The following LRP1B variants were observed in gnomAD, a reference collection of about 807,000 sequenced individuals.
LRP1B encodes low-density lipoprotein receptor-related protein 1B.
A neutral mutation model predicts 556.6 loss-of-function variants in LRP1B; 217 were observed. The ratio of observed to expected loss-of-function variants is 0.39; its 90% confidence interval spans 0.35 to 0.44. The LOEUF is 0.44. Among genes scored for constraint, LRP1B ranks in the 20% least tolerant of loss-of-function variants. The pLI is 1.00. For missense variants in LRP1B, 5,053 were observed against 5,620.8 expected (o/e 0.90, Z 3.23); for synonymous variants, 2,047 against 1,865.8 (o/e 1.10, Z -2.50).
chr2:140,932,507 G>GCCCACC (rs1695079131), intron 20 of LRP1B, among the ~76,000 whole-genome samples: 1 of 152,098 alleles, frequency 6.6e-6, no homozygotes, highest in South Asian at 2.1e-4. Context: ...GAATAGGTTT[G>GCCCACC]CCCACCCTTG....
intron 2 of LRP1B, among the ~76,000 whole-genome samples, chr2:141,506,095 T>C (rs1683926114): frequency 6.6e-6 from 1 of 152,060 alleles, no homozygotes; most frequent in Admixed American, 6.6e-5. Context: ...AAAACTCCCT[T>C]AGTCTGCAGA....
intron 27 of LRP1B, among the ~76,000 whole-genome samples, chr2:140,863,792 C>T (rs1692868473): frequency 6.6e-6 from 1 of 152,094 alleles, no homozygotes; most frequent in African/African-American, 2.4e-5. Flanking sequence ...CTCTTACATT[C>T]AAAATCCATC....
At chr2:141,690,396 A>AATAAATAAAT (rs5834858) in intron 2 of LRP1B, among the ~76,000 whole-genome samples, 132 of 26,844 alleles carry the variant, frequency 4.9e-3, no homozygotes, top group African/African-American at 6.8e-3. Context: ...TACATCTATA[A>AATAAATAAAT]ATATATATAT....
intron 2 of LRP1B, among the ~76,000 whole-genome samples, chr2:141,563,882 G>T (rs1686243988): frequency 6.6e-6 from 1 of 151,928 alleles, no homozygotes; most frequent in African/African-American, 2.4e-5. Flanking sequence ...GAGAGGAGAG[G>T]GAGGGAGACG....
At chr2:141,442,949 T>C (rs1681040525) in intron 3 of LRP1B, among the ~76,000 whole-genome samples, 1 of 152,196 alleles carries the variant, frequency 6.6e-6, no homozygotes, top group African/African-American at 2.4e-5. Context: ...TATCCAGTAA[T>C]GGGATTGCTG....
chr2:141,863,901 G>A (rs372013627), intron 1 of LRP1B, among the ~76,000 whole-genome samples: 2 of 152,010 alleles, frequency 1.3e-5, no homozygotes, highest in African/African-American at 4.8e-5. Context: ...AAGACAGGAA[G>A]ACTATGGCTA....
At chr2:141,688,599 C>T (rs1455271825) in intron 2 of LRP1B, among the ~76,000 whole-genome samples, 1 of 151,798 alleles carries the variant, frequency 6.6e-6, no homozygotes, top group Non-Finnish European at 1.5e-5. Context: ...ACTAAAGAAA[C>T]TGAGGCCCAG....
intron 3 of LRP1B, among the ~76,000 whole-genome samples, chr2:141,474,037 T>TCCC (rs1553519276): frequency 0.03 from 3,800 of 125,558 alleles, 328 homozygotes; most frequent in African/African-American, 0.12. Flanking sequence ...CCTTCCTTCC[T>TCCC]TCCTTCCTTT....
chr2:140,654,714 T>C (rs933333945), intron 41 of LRP1B, among the ~76,000 whole-genome samples: 3 of 152,132 alleles, frequency 2.0e-5, no homozygotes, highest in Non-Finnish European at 1.5e-5. Flanking sequence ...TTTTTGGCCA[T>C]ATGTTTAAGA....
chr2:141,017,943 G>A (rs545977408), intron 12 of LRP1B, among the ~76,000 whole-genome samples: 90 of 151,266 alleles, frequency 5.9e-4, no homozygotes, highest in African/African-American at 2.1e-3. Context: ...CGAGGCTGTC[G>A]TGAGCCAAGA....
chr2:141,852,715 G>A (rs916394045), intron 1 of LRP1B, among the ~76,000 whole-genome samples: 2 of 151,504 alleles, frequency 1.3e-5, no homozygotes, highest in Non-Finnish European at 3.0e-5. Flanking sequence ...TTGTTTTGTT[G>A]ATCCAGCTAG....
rs71408450 is a variant in LRP1B, at chr2:140,347,463, CA to C, written c.11892+3333del. On this transcript the variant is annotated intron_variant, in intron 77 of 90. Transcript: ENST00000389484. ...AGAAGAGTATTCCCTTCACAATTTC[CA>C]AAAAAAAAAAAGAAACGGGATCACA... 1.8e-3 allele frequency among the ~76,000 whole-genome samples: 248 copies of C among 135,598 alleles called. 1 individual carries two copies. The highest frequency in any genetic ancestry group is 3.7e-3 in the Middle Eastern group (1 of 270). 89.0% of individuals were successfully genotyped at this position (135,598 alleles called of 152,430 possible).
At chr2:140,941,293 C>G (rs1695394527) in intron 20 of LRP1B, among the ~76,000 whole-genome samples, 1 of 152,110 alleles carries the variant, frequency 6.6e-6, no homozygotes, top group African/African-American at 2.4e-5. Flanking sequence ...AGCCAAGATA[C>G]TCTTCTTCCA....
chr2:140,308,357 G>A (rs1484855127), intron 83 of LRP1B, among the ~76,000 whole-genome samples: 4 of 151,602 alleles, frequency 2.6e-5, no homozygotes, highest in Non-Finnish European at 4.4e-5. Flanking sequence ...TCTACACAAC[G>A]CTTGAACAAG....
chr2:140,303,201 G>A (rs1683917198), intron 83 of LRP1B, among the ~76,000 whole-genome samples: 1 of 151,242 alleles, frequency 6.6e-6, no homozygotes, highest in South Asian at 2.1e-4. Context: ...TTCCAGCAAT[G>A]GGTCATACCA....
intron 18 of LRP1B, among the ~76,000 whole-genome samples, chr2:140,954,534 G>A (rs1695817969): frequency 6.6e-6 from 1 of 151,846 alleles, no homozygotes; most frequent in African/African-American, 2.4e-5. Context: ...TGAAACTGAT[G>A]ATACTTCATC....
chr2:141,333,267 T>C (rs1687724507), intron 3 of LRP1B, among the ~76,000 whole-genome samples: 5 of 152,086 alleles, frequency 3.3e-5, no homozygotes. Context: ...GATAGAAATA[T>C]TTTATCCTTC....
chr2:140,625,404 C>T (rs982965905), intron 41 of LRP1B, among the ~76,000 whole-genome samples: 2 of 152,096 alleles, frequency 1.3e-5, no homozygotes, highest in Non-Finnish European at 2.9e-5. Flanking sequence ...AACTTAAAAG[C>T]CTGTTCTGCA....
At chr2:141,516,639 A>G (rs1251372384) in intron 2 of LRP1B, among the ~76,000 whole-genome samples, 1 of 151,268 alleles carries the variant, frequency 6.6e-6, no homozygotes, top group Non-Finnish European at 1.5e-5. Context: ...TGGGCAATGG[A>G]GTACAATGAA....
Sources: gnomAD v4.1 joint callset for allele counts (sites outside exome capture counted in the v4.1 genomes callset) on GRCh38, gnomAD v4.1.1 for gene constraint, MANE v1.5 for transcripts, NCBI Gene and HGNC (gene_info 2026-07-23, HGNC 2026-07-21) for gene names.